KCNN2: variants seen among roughly 807,000 people sequenced by gnomAD.
The protein encoded by KCNN2 is potassium calcium-activated channel subfamily N member 2.
In KCNN2, 24 loss-of-function variants were observed where a neutral mutation model predicts 55.5. The ratio of observed to expected loss-of-function variants is 0.43; its 90% CI spans 0.31 to 0.61. KCNN2 has a LOEUF of 0.61. Ranked by LOEUF, KCNN2 falls within the 20% of genes least tolerant of loss-of-function variation. KCNN2 has a pLI of 0.08. For missense variants in KCNN2, 754 were observed against 853.6 expected (o/e 0.88, Z 1.45); for synonymous variants, 431 against 336.1 (o/e 1.28, Z -3.09).
chr5:114,461,060 G>A (rs925622962), intron 3 of KCNN2, among the ~76,000 whole-genome samples: 1 of 151,984 alleles, frequency 6.6e-6, no homozygotes. Flanking sequence ...TATTTCTAGG[G>A]GTTTTATTTT....
At chr5:114,147,073 G>T (rs1052366213) in intron 1 of KCNN2, among the ~76,000 whole-genome samples, 1 of 152,174 alleles carries the variant, frequency 6.6e-6, no homozygotes, top group African/African-American at 2.4e-5. Context: ...ACAGCAAACA[G>T]CTCGGCTTTT....
At chr5:114,132,479 C>A (rs1561488686) in intron 1 of KCNN2, among the ~76,000 whole-genome samples, 1 of 152,110 alleles carries the variant, frequency 6.6e-6, no homozygotes, top group African/African-American at 2.4e-5. Context: ...TGTTCTGTTC[C>A]ATTGCTGACA....
At chr5:114,127,367 A>G (rs562489932) in intron 1 of KCNN2, among the ~76,000 whole-genome samples, 4 of 152,282 alleles carry the variant, frequency 2.6e-5, no homozygotes, top group East Asian at 1.9e-4. Context: ...AGGTTCCCCA[A>G]CGTCAGTGCT....
intron 1 of KCNN2, among the ~76,000 whole-genome samples, chr5:114,116,715 T>C (rs11241265): frequency 0.17 from 25,740 of 152,126 alleles, 2,251 homozygotes; most frequent in Middle Eastern, 0.22. Flanking sequence ...TTTCCTGCAG[T>C]TATTTTGATT....
chr5:114,242,858 A>C (rs1463307662), intron 2 of KCNN2, among the ~76,000 whole-genome samples: 1 of 152,226 alleles, frequency 6.6e-6, no homozygotes, highest in Non-Finnish European at 1.5e-5. Context: ...AAACACAAAA[A>C]ATAAAAATAA....
At chr5:114,339,730 G>A (rs894656454) in intron 2 of KCNN2, among the ~76,000 whole-genome samples, 4 of 152,022 alleles carry the variant, frequency 2.6e-5, no homozygotes, top group African/African-American at 4.8e-5. Flanking sequence ...TTGAGCCCAG[G>A]AGGTGGAAGT....
chr5:114,312,985 T>G (rs1213286838), intron 2 of KCNN2, among the ~76,000 whole-genome samples: 2 of 152,116 alleles, frequency 1.3e-5, no homozygotes, highest in Non-Finnish European at 2.9e-5. Context: ...TGCTGTTATA[T>G]TTATAAGCTA....
chr5:114,139,467 C>CT lies in KCNN2; in HGVS notation c.-270-82013_-270-82012insT, dbSNP rs1561491424. 3.4e-5 allele frequency among the ~76,000 whole-genome samples: 5 copies of CT among 146,374 alleles called. No individual in the cohort carries two copies. In the South Asian group the frequency reaches 8.8e-4, roughly 26 times the overall value. Reference sequence around the variant, plus strand: ...CACACACTCACACAACCACCCCCCCCACACACACACACCAGAAAGGAAAAT... The same window carrying CT: ...CACACACTCACACAACCACCCCCCCCTACACACACACACCAGAAAGGAAAAT... On this transcript the variant is annotated intron_variant, in intron 1 of 10. Coordinates refer to the KCNN2 transcript ENST00000512097.
chr5:114,331,426 T>C (rs1305267676), intron 2 of KCNN2, among the ~76,000 whole-genome samples: 4 of 152,152 alleles, frequency 2.6e-5, no homozygotes, highest in African/African-American at 9.7e-5. Context: ...ATGCAGGCCA[T>C]GGGGACATGT....
chr5:114,443,290 A>T (rs979606485), intron 3 of KCNN2, among the ~76,000 whole-genome samples: 4 of 152,012 alleles, frequency 2.6e-5, no homozygotes, highest in African/African-American at 9.7e-5. Context: ...CTCCGTCTCA[A>T]AAAAAAAGAA....
At chr5:114,103,907 C>T (rs991498335) in intron 1 of KCNN2, among the ~76,000 whole-genome samples, 7 of 151,892 alleles carry the variant, frequency 4.6e-5, no homozygotes, top group Admixed American at 6.6e-5. Context: ...GTGTCTTTGC[C>T]GGGTTTTGGT....
At chr5:114,326,151 T>G (rs954707647) in intron 2 of KCNN2, among the ~76,000 whole-genome samples, 15 of 152,268 alleles carry the variant, frequency 9.9e-5, no homozygotes, top group African/African-American at 3.4e-4. Context: ...GTGATATTTG[T>G]GTGAAGGAGT....
chr5:114,089,387 T>G (rs1751088625), intron 1 of KCNN2, among the ~76,000 whole-genome samples: 1 of 152,176 alleles, frequency 6.6e-6, no homozygotes, highest in Non-Finnish European at 1.5e-5. Context: ...GTGTGACGTC[T>G]TCAATCTGGC....
intron 1 of KCNN2, among the ~76,000 whole-genome samples, chr5:114,057,808 A>G (rs1561457334): frequency 6.6e-6 from 1 of 152,224 alleles, no homozygotes; most frequent in Non-Finnish European, 1.5e-5. Flanking sequence ...GATGGTTGTT[A>G]CCTTTAGTAA....
chr5:114,438,758 T>C (rs1178643791), intron 3 of KCNN2, among the ~76,000 whole-genome samples: 1 of 152,196 alleles, frequency 6.6e-6, no homozygotes, highest in Non-Finnish European at 1.5e-5. Context: ...AATTCTGCCC[T>C]GGTGCCTCTT....
chr5:114,278,864 T>C (rs946431165), intron 2 of KCNN2, among the ~76,000 whole-genome samples: 2 of 152,272 alleles, frequency 1.3e-5, no homozygotes, highest in South Asian at 2.1e-4. Flanking sequence ...GCTCACCCTC[T>C]GTGGGCTACA....
At chr5:114,338,448 A>C (rs933469066) in intron 2 of KCNN2, among the ~76,000 whole-genome samples, 6 of 152,368 alleles carry the variant, frequency 3.9e-5, no homozygotes, top group African/African-American at 1.4e-4. Context: ...AGTACCAAAT[A>C]TAGGTCATTC....
At chr5:114,261,671 A>G (rs957685049) in intron 2 of KCNN2, among the ~76,000 whole-genome samples, 4 of 152,196 alleles carry the variant, frequency 2.6e-5, no homozygotes, top group African/African-American at 7.2e-5. Context: ...TTGTGGGGTG[A>G]GCAGGCAGAT....
intron 1 of KCNN2, among the ~76,000 whole-genome samples, chr5:114,104,664 G>T (rs1393682088): frequency 6.6e-6 from 1 of 152,008 alleles, no homozygotes; most frequent in Non-Finnish European, 1.5e-5. Flanking sequence ...ATGCAAATCA[G>T]CAAATATACA....
Sources: gnomAD v4.1 joint callset for allele counts (sites outside exome capture counted in the v4.1 genomes callset) on GRCh38, gnomAD v4.1.1 for gene constraint, MANE v1.5 for transcripts, NCBI Gene and HGNC (gene_info 2026-07-23, HGNC 2026-07-21) for gene names.